EPM2A: variants seen among roughly 807,000 people sequenced by gnomAD.
The protein encoded by EPM2A is EPM2A glucan phosphatase, laforin.
EPM2A carries 21 observed loss-of-function variants against 26.5 expected under a neutral mutation model. The observed-to-expected ratio is 0.79, with a 90% CI of 0.56 to 1.14. EPM2A has a LOEUF of 1.14. Among genes scored for constraint, EPM2A ranks in the 50% most tolerant of loss-of-function variants. EPM2A has a pLI of 0.00. For synonymous variants in EPM2A, 217 were observed against 177.6 expected (o/e 1.22, Z -1.76); for missense variants, 458 against 440.8 (o/e 1.04, Z -0.35).
intron 1 of EPM2A, among the ~76,000 whole-genome samples, chr6:145,721,950 T>A (rs544859626): frequency 6.6e-6 from 1 of 152,208 alleles, no homozygotes; most frequent in African/African-American, 2.4e-5. Flanking sequence ...CCTGTGAGCA[T>A]GCAACACTAC....
downstream of EPM2A, among the ~76,000 whole-genome samples, chr6:145,501,152 G>T (rs1419499805): frequency 2.0e-5 from 3 of 152,160 alleles, no homozygotes; most frequent in Non-Finnish European, 4.4e-5. Context: ...ACAAGCAAAC[G>T]TTGAAGAGTT....
intron 4 of EPM2A, among the ~76,000 whole-genome samples, chr6:145,444,460 T>C (rs1208349670): frequency 1.3e-5 from 2 of 152,200 alleles, no homozygotes; most frequent in Non-Finnish European, 2.9e-5. Flanking sequence ...TTGACCATGG[T>C]TGATGTGCTG....
At chr6:145,489,062 C>T (rs1425544997) in intron 4 of EPM2A, among the ~76,000 whole-genome samples, 4 of 152,100 alleles carry the variant, frequency 2.6e-5, no homozygotes, top group South Asian at 2.1e-4. Flanking sequence ...CTTTTCTTAA[C>T]ATTCTCGAAA....
chr6:145,724,994 A>G (rs1776128413), intron 1 of EPM2A, among the ~76,000 whole-genome samples: 1 of 152,022 alleles, frequency 6.6e-6, no homozygotes, highest in Non-Finnish European at 1.5e-5. Context: ...GTTGGATTTT[A>G]TTAATAGTTT....
chr6:145,710,706 G>A (rs1775265807), intron 1 of EPM2A, among the ~76,000 whole-genome samples: 1 of 152,004 alleles, frequency 6.6e-6, no homozygotes, highest in South Asian at 2.1e-4. Context: ...CAATAGCAAA[G>A]ACTTGGAACC....
At chr6:145,537,291 T>A (rs1402730495) in intron 2 of EPM2A, among the ~76,000 whole-genome samples, 1 of 152,178 alleles carries the variant, frequency 6.6e-6, no homozygotes, top group Admixed American at 6.5e-5. Context: ...GGTCTCTCCA[T>A]TGTCAATTTG....
At chr6:145,502,597 T>A in intron 2 of EPM2A, 2 of 470,540 alleles carry the variant, frequency 4.3e-6, no homozygotes, top group South Asian at 3.1e-5. Flanking sequence ...AGGAGAGGAG[T>A]GGCAGCTTAT....
intron 2 of EPM2A, among the ~76,000 whole-genome samples, chr6:145,678,580 GT>G (rs761599861): frequency 1.6e-4 from 24 of 152,156 alleles, no homozygotes; most frequent in Non-Finnish European, 2.8e-4. Flanking sequence ...CCATCAAAAA[GT>G]GGGCAAAGGA....
chr6:145,476,546 G>A (rs780536255), intron 4 of EPM2A, among the ~76,000 whole-genome samples: 1 of 152,020 alleles, frequency 6.6e-6, no homozygotes, highest in Non-Finnish European at 1.5e-5. Context: ...CAGACCATAT[G>A]TTAGATCACA....
At chr6:145,498,363 G>A (rs887973007), downstream of EPM2A, among the ~76,000 whole-genome samples, 2 of 152,178 alleles carry the variant, frequency 1.3e-5, no homozygotes, top group African/African-American at 4.8e-5. Context: ...GGGTACCTGT[G>A]GACCACCTGC....
chr6:145,526,436 AT>A (rs904080077), intron 2 of EPM2A, among the ~76,000 whole-genome samples: 4 of 151,594 alleles, frequency 2.6e-5, no homozygotes, highest in African/African-American at 9.7e-5. Context: ...TGGTTGGTAG[AT>A]TTTTTTTATT....
At chr6:145,452,535 T>C (rs997848650) in intron 4 of EPM2A, among the ~76,000 whole-genome samples, 12 of 135,708 alleles carry the variant, frequency 8.8e-5, no homozygotes, top group African/African-American at 3.1e-4. Context: ...AGCCGGGCGT[T>C]GTGGCGGGCG....
chr6:145,470,254 T>C (rs1339967556), intron 4 of EPM2A, among the ~76,000 whole-genome samples: 1 of 151,732 alleles, frequency 6.6e-6, no homozygotes, highest in Non-Finnish European at 1.5e-5. Flanking sequence ...TTATTATACA[T>C]TGTATTTCTG....
intron 2 of EPM2A, among the ~76,000 whole-genome samples, chr6:145,669,751 T>A (rs963921870): frequency 2.0e-5 from 3 of 152,200 alleles, no homozygotes; most frequent in Non-Finnish European, 4.4e-5. Context: ...GTATTTGTTA[T>A]AAGAAAGAAT....
chr6:145,586,504 T>A (rs1393203801), intron 2 of EPM2A, among the ~76,000 whole-genome samples: 1 of 152,198 alleles, frequency 6.6e-6, no homozygotes, highest in Admixed American at 6.5e-5. Flanking sequence ...GAACTGTTTA[T>A]CCTTTTAATT....
intron 2 of EPM2A, among the ~76,000 whole-genome samples, chr6:145,580,505 CATTTT>C (rs1317253829): frequency 6.6e-6 from 1 of 151,942 alleles, no homozygotes; most frequent in Non-Finnish European, 1.5e-5. Context: ...TTTTTGATTA[CATTTT>C]ATTTATTTAC....
intron 4 of EPM2A, among the ~76,000 whole-genome samples, chr6:145,467,502 G>C (rs911788363): frequency 6.6e-6 from 1 of 152,104 alleles, no homozygotes; most frequent in Admixed American, 6.6e-5. Flanking sequence ...CTGCTATACA[G>C]CTTTACACTA....
At chr6:145,624,039 A>C (rs1775692504), downstream of EPM2A, among the ~76,000 whole-genome samples, 1 of 152,064 alleles carries the variant, frequency 6.6e-6, no homozygotes, top group South Asian at 2.1e-4. Flanking sequence ...CCTCTTTCTT[A>C]TTATTGTCAT....
intron 2 of EPM2A, among the ~76,000 whole-genome samples, chr6:145,577,819 A>C (rs1781055523): frequency 6.6e-6 from 1 of 152,118 alleles, no homozygotes; most frequent in Admixed American, 6.5e-5. Flanking sequence ...AGTCTCAAAA[A>C]TTTCAAAAAA....
Sources: gnomAD v4.1 joint callset for allele counts (sites outside exome capture counted in the v4.1 genomes callset) on GRCh38, gnomAD v4.1.1 for gene constraint, MANE v1.5 for transcripts, NCBI Gene and HGNC (gene_info 2026-07-23, HGNC 2026-07-21) for gene names.